DIS3L2: variants seen among roughly 807,000 people sequenced by gnomAD.
The protein encoded by DIS3L2 is DIS3 like 3'-5' exoribonuclease 2, also known as DIS3-like exonuclease 2.
Under a neutral mutation model 97.5 loss-of-function variants are expected in DIS3L2, and 34 were observed. The observed-to-expected ratio is 0.35, with a 90% confidence interval of 0.27 to 0.46. DIS3L2 has a LOEUF of 0.46. DIS3L2 is among the 20% of genes least tolerant of loss of function. The pLI is 1.00. For missense variants in DIS3L2, 1,038 were observed against 1,146.0 expected, an observed-to-expected ratio of 0.91 and a Z score of 1.36; for synonymous variants, 435 against 445.2, an observed-to-expected ratio of 0.98 and a Z score of 0.29.
intron 9 of DIS3L2, among the ~76,000 whole-genome samples, chr2:232,202,376 G>A (rs553550915): frequency 4.9e-4 from 75 of 152,208 alleles, no homozygotes; most frequent in African/African-American, 1.5e-3. Context: ...CCAGCCTGGC[G>A]ACAGAGCAAG....
chr2:232,098,965 A>C (rs571905092), intron 6 of DIS3L2, among the ~76,000 whole-genome samples: 17 of 152,068 alleles, frequency 1.1e-4, no homozygotes, highest in Non-Finnish European at 2.2e-4. Context: ...TCTCCCTTGT[A>C]ATCTTTTATT....
chr2:232,321,794 C>T (rs539848861), intron 14 of DIS3L2, among the ~76,000 whole-genome samples: 4 of 152,296 alleles, frequency 2.6e-5, no homozygotes, highest in African/African-American at 7.2e-5. Flanking sequence ...AGAGGCCCCC[C>T]CTTTGTTTCC....
chr2:232,158,332 T>C (rs867996309), intron 8 of DIS3L2, among the ~76,000 whole-genome samples: 61 of 151,974 alleles, frequency 4.0e-4, no homozygotes, highest in African/African-American at 1.5e-3. Context: ...TGTGTGTGTG[T>C]GTGCATGTGT....
intron 8 of DIS3L2, among the ~76,000 whole-genome samples, chr2:232,147,872 T>G (rs879397899): frequency 2.0e-5 from 3 of 152,070 alleles, no homozygotes; most frequent in Non-Finnish European, 2.9e-5. Context: ...GAATTCTGGT[T>G]TTCAAGGTGA....
chr2:232,226,403 G>C (rs964732477), intron 10 of DIS3L2, among the ~76,000 whole-genome samples: 1 of 152,170 alleles, frequency 6.6e-6, no homozygotes, highest in Admixed American at 6.5e-5. Flanking sequence ...TAACCTCTCT[G>C]AGTCTGAATG....
intron 5 of DIS3L2, among the ~76,000 whole-genome samples, chr2:232,083,391 C>G (rs1340353901): frequency 6.6e-6 from 1 of 151,470 alleles, no homozygotes; most frequent in Non-Finnish European, 1.5e-5. Context: ...TATGATATTT[C>G]TCCGTGGTTG....
intron 6 of DIS3L2, among the ~76,000 whole-genome samples, chr2:232,114,861 GA>G (rs1697653072): frequency 6.6e-6 from 1 of 152,158 alleles, no homozygotes. Context: ...AATTTATTAT[GA>G]AAAGGAATTT....
chr2:232,321,097 G>A (rs550653533), intron 14 of DIS3L2, among the ~76,000 whole-genome samples: 1 of 152,254 alleles, frequency 6.6e-6, no homozygotes, highest in African/African-American at 2.4e-5. Context: ...CCATGAGGAG[G>A]CCCCAAAGAG....
intron 1 of DIS3L2, among the ~76,000 whole-genome samples, chr2:232,000,663 T>C (rs77490514): frequency 0.012 from 288 of 23,164 alleles, 1 homozygote; most frequent in African/African-American, 0.069. Flanking sequence ...CTTTCCTTTC[T>C]CTTTCTCTCT....
chr2:232,120,422 T>TA (rs1697864253), intron 6 of DIS3L2, among the ~76,000 whole-genome samples: 1 of 152,162 alleles, frequency 6.6e-6, no homozygotes, highest in Admixed American at 6.5e-5. Flanking sequence ...CCCTTATCTC[T>TA]AAAACCAGCA....
intron 6 of DIS3L2, among the ~76,000 whole-genome samples, chr2:232,103,410 C>T (rs1231190931): frequency 6.6e-6 from 1 of 152,092 alleles, no homozygotes; most frequent in Non-Finnish European, 1.5e-5. Flanking sequence ...TTAAAAGTTT[C>T]TGTTGGGAAT....
intron 3 of DIS3L2, among the ~76,000 whole-genome samples, chr2:232,020,895 A>G (rs1694493402): frequency 6.6e-6 from 1 of 152,100 alleles, no homozygotes; most frequent in African/African-American, 2.4e-5. Context: ...TTTTGTTTTT[A>G]TTACTATAAG....
At chr2:232,122,397 C>T (rs1410660249) in intron 6 of DIS3L2, among the ~76,000 whole-genome samples, 1 of 152,052 alleles carries the variant, frequency 6.6e-6, no homozygotes, top group Non-Finnish European at 1.5e-5. Context: ...CAGTTGTGTC[C>T]AAAATAACAG....
intron 3 of DIS3L2, among the ~76,000 whole-genome samples, chr2:232,017,048 G>T (rs1404375053): frequency 4.0e-5 from 6 of 151,282 alleles, no homozygotes; most frequent in Non-Finnish European, 7.4e-5. Flanking sequence ...AAATGAGTTG[G>T]TTTTTCTGAT....
chr2:232,147,550 C>A (rs1690253133), intron 8 of DIS3L2, among the ~76,000 whole-genome samples: 1 of 152,030 alleles, frequency 6.6e-6, no homozygotes, highest in African/African-American at 2.4e-5. Context: ...TTTTGAAGGA[C>A]ATATTTTAAT....
chr2:231,980,127 T>C (rs1693210110), intron 1 of DIS3L2, among the ~76,000 whole-genome samples: 1 of 152,218 alleles, frequency 6.6e-6, no homozygotes, highest in African/African-American at 2.4e-5. Context: ...TTCTCGTTAC[T>C]CTTTTGCAAA....
At chr2:232,315,901 A>G (rs1467237167) in intron 14 of DIS3L2, among the ~76,000 whole-genome samples, 1 of 152,164 alleles carries the variant, frequency 6.6e-6, no homozygotes, top group African/African-American at 2.4e-5. Flanking sequence ...GCTACCCCCA[A>G]GCCAACCCCA....
intron 6 of DIS3L2, among the ~76,000 whole-genome samples, chr2:232,116,180 A>G (rs199579698): frequency 1.4e-4 from 5 of 34,842 alleles, no homozygotes; most frequent in Non-Finnish European, 2.0e-4. Flanking sequence ...TTAAATAAAT[A>G]AATGAATAAA....
At chr2:232,119,028 G>A (rs116684202) in intron 6 of DIS3L2, among the ~76,000 whole-genome samples, 1,672 of 152,276 alleles carry the variant, frequency 0.011, 33 homozygotes, top group African/African-American at 0.037. Flanking sequence ...TGAAAAAGAG[G>A]ACTGGCTCTT....
Sources: allele counts gnomAD v4.1 joint callset (sites outside exome capture counted in the v4.1 genomes callset), GRCh38; gene constraint gnomAD v4.1.1; transcripts MANE v1.5; gene names NCBI Gene and HGNC (gene_info 2026-07-23, HGNC 2026-07-21).